The following LRRTM4 variants were observed in gnomAD, a reference collection of about 807,000 sequenced individuals.
LRRTM4 encodes leucine rich repeat transmembrane neuronal 4, also known as leucine-rich repeat transmembrane neuronal protein 4.
A neutral mutation model predicts 47.6 loss-of-function variants in LRRTM4; 25 were observed. The ratio of observed to expected loss-of-function variants is 0.53; its 90% CI spans 0.38 to 0.73. LRRTM4 has a LOEUF of 0.73. Among genes scored for constraint, LRRTM4 ranks in the 30% least tolerant of loss-of-function variants. The pLI, the probability that LRRTM4 is intolerant of heterozygous loss-of-function variation, is 0.00. For synonymous variants in LRRTM4, 311 were observed against 269.5 expected, an observed-to-expected ratio of 1.15 and a Z score of -1.51; for missense variants, 638 against 713.4, an observed-to-expected ratio of 0.89 and a Z score of 1.20.
intron 3 of LRRTM4, among the ~76,000 whole-genome samples, chr2:77,025,149 T>C (rs1678411803): frequency 1.3e-5 from 2 of 152,190 alleles, no homozygotes; most frequent in South Asian, 4.1e-4. Context: ...CGTAATACTT[T>C]AGTTTCCAGG....
chr2:77,404,234 C>T (rs1674077036), intron 3 of LRRTM4, among the ~76,000 whole-genome samples: 1 of 151,878 alleles, frequency 6.6e-6, no homozygotes, highest in Admixed American at 6.6e-5. Flanking sequence ...AGTCACCTAA[C>T]TAATTTATAG....
At chr2:77,270,755 A>G (rs925042527) in intron 3 of LRRTM4, among the ~76,000 whole-genome samples, 1 of 152,208 alleles carries the variant, frequency 6.6e-6, no homozygotes, top group Non-Finnish European at 1.5e-5. Flanking sequence ...AAGCCAAGCT[A>G]CAAGTCAAAT....
At chr2:77,511,635 T>C (rs1470063435) in intron 3 of LRRTM4, among the ~76,000 whole-genome samples, 1 of 151,994 alleles carries the variant, frequency 6.6e-6, no homozygotes, top group Non-Finnish European at 1.5e-5. Flanking sequence ...GTATTTATTA[T>C]TATTGTTTGT....
At position 77,480,785 on chromosome 2, in the gene LRRTM4, AGTGT is replaced by A. The variant is rs150441689; in HGVS notation, c.1551+37529_1551+37532del. Among the ~76,000 whole-genome samples, 432 of 102,234 alleles carry A rather than the reference AGTGT, an allele frequency of 4.2e-3. 13 individuals carry two copies. The highest frequency in any genetic ancestry group is 0.035 in the East Asian group (87 of 2,486). The allele number at this position is 102,234 out of a possible 152,430, so 67.1% of individuals were successfully genotyped here. A position where few individuals can be genotyped will look rare whatever the true frequency, so the allele number is the denominator to read the frequency against. ...ACTTGCTATGTGTGGCTGTTTTAGGAGTGTGTGTGTGTGTGTGTGTGTGTGTGTG... is the reference window on the plus strand; with the variant it reads ...ACTTGCTATGTGTGGCTGTTTTAGGAGTGTGTGTGTGTGTGTGTGTGTGTG... On this transcript the variant is annotated intron_variant, in intron 3 of 3. Coordinates refer to ENST00000409884, the MANE Select transcript of LRRTM4 (RefSeq NM_001134745.3).
chr2:76,823,025 G>T (rs1178625598), intron 3 of LRRTM4, among the ~76,000 whole-genome samples: 1 of 151,386 alleles, frequency 6.6e-6, no homozygotes, highest in African/African-American at 2.4e-5. Context: ...AATGCATTAT[G>T]TCCAAAAACA....
chr2:77,343,742 G>A (rs1037016692), intron 3 of LRRTM4, among the ~76,000 whole-genome samples: 1 of 151,844 alleles, frequency 6.6e-6, no homozygotes, highest in Non-Finnish European at 1.5e-5. Flanking sequence ...ATTAACAGTG[G>A]TGATATATAA....
chr2:77,088,281 G>T (rs890276470), intron 3 of LRRTM4, among the ~76,000 whole-genome samples: 1 of 152,052 alleles, frequency 6.6e-6, no homozygotes. Flanking sequence ...GCACGTATAC[G>T]CCCAGATGGC....
At chr2:76,776,195 G>C (rs1018887636) in intron 3 of LRRTM4, among the ~76,000 whole-genome samples, 1 of 152,154 alleles carries the variant, frequency 6.6e-6, no homozygotes. Flanking sequence ...CTTTGCTGTT[G>C]TGAATAATGC....
At chr2:77,026,553 A>G (rs1474120436) in intron 3 of LRRTM4, among the ~76,000 whole-genome samples, 2 of 152,138 alleles carry the variant, frequency 1.3e-5, no homozygotes, top group Non-Finnish European at 1.5e-5. Context: ...TAGTAAGTGA[A>G]TAGCCTATTT....
chr2:77,460,762 A>G (rs1284653492), intron 3 of LRRTM4, among the ~76,000 whole-genome samples: 2 of 152,022 alleles, frequency 1.3e-5, no homozygotes, highest in African/African-American at 4.8e-5. Context: ...GTTCTCTATT[A>G]CTAAGTTTTA....
intron 3 of LRRTM4, among the ~76,000 whole-genome samples, chr2:77,266,724 G>A (rs1441204177): frequency 6.6e-6 from 1 of 152,086 alleles, no homozygotes; most frequent in African/African-American, 2.4e-5. Context: ...GCAGGAAGCA[G>A]GAGGACAGTT....
At chr2:77,439,440 G>A (rs1675745710) in intron 3 of LRRTM4, among the ~76,000 whole-genome samples, 1 of 151,532 alleles carries the variant, frequency 6.6e-6, no homozygotes, top group Non-Finnish European at 1.5e-5. Flanking sequence ...ACATATTTAT[G>A]CTTGATTGAT....
At chr2:77,067,724 T>C (rs1023142990) in intron 3 of LRRTM4, among the ~76,000 whole-genome samples, 13 of 110,812 alleles carry the variant, frequency 1.2e-4, no homozygotes, top group East Asian at 3.8e-4. Context: ...CACATACATA[T>C]TTCAGGAAAA....
rs371083711 is a variant in LRRTM4 at position 77,081,519 on chromosome 2, C to T, written c.1552-332603G>A. On this transcript the variant is annotated intron_variant, in intron 3 of 3. Transcript: ENST00000409884. ...TAAGAAATTAATACATATATATGTGCACATAGAGGTAAACATATCTATCTG... is the reference window on the plus strand; with the variant it reads ...TAAGAAATTAATACATATATATGTGTACATAGAGGTAAACATATCTATCTG... 4.6e-5 allele frequency among the ~76,000 whole-genome samples: 7 copies of T among 151,974 alleles called. No homozygotes were observed. The South Asian group carries it at 1.2e-3, about 27-fold the overall frequency.
chr2:76,999,753 T>C (rs113005126), intron 3 of LRRTM4, among the ~76,000 whole-genome samples: 2,429 of 152,220 alleles, frequency 0.016, 66 homozygotes, highest in African/African-American at 0.056. Context: ...CGGCACACAG[T>C]TTAGAATTTC....
chr2:77,147,629 C>T (rs553231627), intron 3 of LRRTM4, among the ~76,000 whole-genome samples: 101 of 152,192 alleles, frequency 6.6e-4, no homozygotes, highest in African/African-American at 1.7e-3. Flanking sequence ...CCAGTGACTC[C>T]GTCATACTGC....
chr2:77,142,136 C>T (rs1430817060), intron 3 of LRRTM4, among the ~76,000 whole-genome samples: 1 of 152,154 alleles, frequency 6.6e-6, no homozygotes, highest in Non-Finnish European at 1.5e-5. Flanking sequence ...ACAAGCTTGA[C>T]ATTCTGGAAA....
chr2:77,336,451 T>C (rs1331310861), intron 3 of LRRTM4, among the ~76,000 whole-genome samples: 2 of 151,950 alleles, frequency 1.3e-5, no homozygotes, highest in African/African-American at 2.4e-5. Context: ...CAGATGAACA[T>C]AGATGCAGGA....
chr2:77,086,508 G>A (rs1164252402), intron 3 of LRRTM4, among the ~76,000 whole-genome samples: 4 of 132,188 alleles, frequency 3.0e-5, no homozygotes, highest in South Asian at 2.3e-4. Context: ...ATGGAGTTTC[G>A]CTCTTTTTGC....
Sources: gnomAD v4.1 joint callset for allele counts (sites outside exome capture counted in the v4.1 genomes callset) on GRCh38, gnomAD v4.1.1 for gene constraint, MANE v1.5 for transcripts, NCBI Gene and HGNC (gene_info 2026-07-23, HGNC 2026-07-21) for gene names.